Variants in SUSD1 observed in about 807,000 individuals in gnomAD.
SUSD1 encodes sushi domain-containing protein 1.
A neutral mutation model predicts 86.9 loss-of-function variants in SUSD1; 65 were observed. The ratio of observed to expected loss-of-function variants is 0.75; its 90% CI spans 0.61 to 0.92. The LOEUF (loss-of-function observed/expected upper bound fraction) is 0.92. Ranked by LOEUF, SUSD1 falls within the 40% of genes least tolerant of loss-of-function variation. The pLI, the probability that SUSD1 is intolerant of heterozygous loss-of-function variation, is 0.00. For synonymous variants in SUSD1, 346 were observed against 350.0 expected, an observed-to-expected ratio of 0.99 and a Z score of 0.13; for missense variants, 850 against 929.7, an observed-to-expected ratio of 0.91 and a Z score of 1.11.
chr9:112,151,153 C>T (rs890086308), intron 2 of SUSD1, among the ~76,000 whole-genome samples: 8 of 152,202 alleles, frequency 5.3e-5, no homozygotes, highest in African/African-American at 1.7e-4. Context: ...CTATGTTGCC[C>T]AGGCTGGTCT....
chr9:112,167,338 A>G (rs1308010263), intron 1 of SUSD1, among the ~76,000 whole-genome samples: 2 of 152,216 alleles, frequency 1.3e-5, no homozygotes, highest in Non-Finnish European at 2.9e-5. Context: ...CCTGGGCTCA[A>G]TCGATATTCC....
chr9:112,107,090 C>A (rs917925484), intron 8 of SUSD1, among the ~76,000 whole-genome samples: 3 of 151,326 alleles, frequency 2.0e-5, no homozygotes, highest in Admixed American at 1.3e-4. Context: ...TATAGTGAGA[C>A]CTTGTCTTTA....
intron 16 of SUSD1, 137 bp downstream of exon 16, chr9:112,041,730 T>C: frequency 1.3e-6 from 1 of 799,434 alleles, no homozygotes; most frequent in African/African-American, 1.7e-5. Context: ...CTTTCACCGC[T>C]GAGTGTGCTC....
In SUSD1 at chr9:112,175,177, A is replaced by AGCAGCAACAGCG. The variant is rs1159675142; in HGVS notation, c.47_58dup (p.Pro16_Leu19dup). On this transcript the variant is annotated inframe_insertion, in exon 1 of 17. Coordinates refer to ENST00000374270, the MANE Select transcript of SUSD1 (RefSeq NM_022486.5). The surrounding 1 kb of genome is among the most constrained non-coding windows in gnomAD (Gnocchi z 4.7). ...CGCGGCGCCGCGGGCCAGGCCGAGC[A>AGCAGCAACAGCG]GCAGCAACAGCGGCAGCAGGCGGCG... The AGCAGCAACAGCG allele has an allele frequency of 1.4e-3, 1,529 of 1,121,976 alleles. 12 individuals are homozygous for AGCAGCAACAGCG. The African/African-American group carries it at 0.022, about 16-fold the overall frequency. 69.5% of individuals were successfully genotyped at this position (1,121,976 alleles called of 1,614,324 possible).
At chr9:112,155,830 G>A (rs1833276631) in intron 2 of SUSD1, among the ~76,000 whole-genome samples, 1 of 151,298 alleles carries the variant, frequency 6.6e-6, no homozygotes, top group Middle Eastern at 3.2e-3. Context: ...AGAAAAGGAA[G>A]AAGAGAATGA....
rs7047880 is a variant in SUSD1 at position 112,150,903 on chromosome 9, G to A, written c.218-1504C>T. Among the ~76,000 whole-genome samples, 642 of 152,282 alleles carry A rather than the reference G, an allele frequency of 4.2e-3. 3 individuals carry two copies. The highest frequency in any genetic ancestry group is 0.015 in the African/African-American group (625 of 41,544). On this transcript the variant is annotated intron_variant, in intron 2 of 16. Transcript: ENST00000374270. ...GGTAAGTCAGTGAGTGAGTGAATAGGAAGGCCTAGAACGTTATGATACATG... is the reference window on the plus strand; with the variant it reads ...GGTAAGTCAGTGAGTGAGTGAATAGAAAGGCCTAGAACGTTATGATACATG...
At chr9:112,118,528 A>G (rs1014197871) in intron 6 of SUSD1, among the ~76,000 whole-genome samples, 9 of 152,204 alleles carry the variant, frequency 5.9e-5, no homozygotes, top group African/African-American at 2.2e-4. Flanking sequence ...GCTGTAGCCC[A>G]GGATGGAGTG....
At chr9:112,150,074 T>C (rs1031278080) in intron 2 of SUSD1, among the ~76,000 whole-genome samples, 4 of 152,258 alleles carry the variant, frequency 2.6e-5, no homozygotes, top group Admixed American at 2.6e-4. Flanking sequence ...CTCTCATCTC[T>C]GCCCTCTAGC....
At chr9:112,042,844 T>G (rs1448407794) in intron 15 of SUSD1, among the ~76,000 whole-genome samples, 1 of 152,200 alleles carries the variant, frequency 6.6e-6, no homozygotes, top group African/African-American at 2.4e-5. Context: ...GGAGTGCATT[T>G]CTATTGGAAA....
intron 14 of SUSD1, among the ~76,000 whole-genome samples, chr9:112,054,684 A>C (rs1255562905): frequency 6.6e-6 from 1 of 152,220 alleles, no homozygotes; most frequent in Non-Finnish European, 1.5e-5. Flanking sequence ...TCATATAAAA[A>C]ATTAACTCAA....
intron 12 of SUSD1, among the ~76,000 whole-genome samples, chr9:112,064,721 C>T (rs974337637): frequency 3.3e-5 from 5 of 152,028 alleles, no homozygotes; most frequent in East Asian, 1.9e-4. Context: ...ACTAAAGATG[C>T]AAAAATTAGC....
chr9:112,041,772 C>G (rs1330625613), intron 16 of SUSD1, 95 bp downstream of exon 16: 1 of 1,234,788 alleles, frequency 8.1e-7, no homozygotes, highest in Non-Finnish European at 1.2e-6. Context: ...CACCCACACT[C>G]CCTTTGACTC....
intron 9 of SUSD1, among the ~76,000 whole-genome samples, chr9:112,100,142 T>C (rs1489870634): frequency 6.6e-6 from 1 of 152,228 alleles, no homozygotes; most frequent in Non-Finnish European, 1.5e-5. Flanking sequence ...TTCCAGTCAA[T>C]TTAAAAGTGT....
intron 8 of SUSD1, among the ~76,000 whole-genome samples, chr9:112,104,194 T>G (rs950868206): frequency 2.6e-5 from 4 of 151,868 alleles, no homozygotes; most frequent in African/African-American, 9.7e-5. Context: ...TTTGGGGGTT[T>G]CTTTTGTAGA....
At chr9:112,080,450 G>A (rs1302116014) in intron 10 of SUSD1, among the ~76,000 whole-genome samples, 1 of 152,160 alleles carries the variant, frequency 6.6e-6, no homozygotes, top group African/African-American at 2.4e-5. Context: ...CACTTTGGGA[G>A]GCCAAGGCAG....
chr9:112,130,945 C>T (rs1052730162), intron 5 of SUSD1, among the ~76,000 whole-genome samples: 1 of 152,034 alleles, frequency 6.6e-6, no homozygotes, highest in African/African-American at 2.4e-5. Context: ...ATCACTTGAG[C>T]CCAGGAGGTG....
At chr9:112,095,336 G>A (rs992472130) in intron 10 of SUSD1, among the ~76,000 whole-genome samples, 1 of 152,232 alleles carries the variant, frequency 6.6e-6, no homozygotes, top group African/African-American at 2.4e-5. Context: ...TAAAGGCTTA[G>A]AGCTGAGCAG....
chr9:112,057,058 A>G (rs1413366704), intron 14 of SUSD1, among the ~76,000 whole-genome samples: 1 of 152,154 alleles, frequency 6.6e-6, no homozygotes, highest in East Asian at 1.9e-4. Flanking sequence ...TTCAGAAGAG[A>G]TTATAAGCCT....
chr9:112,126,167 C>G (rs1435149876), intron 5 of SUSD1, among the ~76,000 whole-genome samples: 3 of 152,212 alleles, frequency 2.0e-5, no homozygotes, highest in Admixed American at 1.3e-4. Flanking sequence ...TTGTTGACAT[C>G]TGAAACATCT....
Sources: allele counts gnomAD v4.1 joint callset (sites outside exome capture counted in the v4.1 genomes callset), GRCh38; gene constraint gnomAD v4.1.1; non-coding constraint Gnocchi (gnomAD v3.1); transcripts MANE v1.5; gene names NCBI Gene and HGNC (gene_info 2026-07-23, HGNC 2026-07-21).